The following CCDC81 variants were observed in gnomAD, a reference collection of about 807,000 sequenced individuals.
The protein encoded by CCDC81 is coiled-coil domain containing 81.
Under a neutral mutation model 83.7 loss-of-function variants are expected in CCDC81, and 79 were observed. That is an observed-to-expected ratio of 0.94 (90% CI 0.79 to 1.14). The LOEUF (loss-of-function observed/expected upper bound fraction) is 1.14, where lower values mean the gene tolerates loss of function less well. Among genes scored for constraint, CCDC81 ranks in the 50% most tolerant of loss-of-function variants. The pLI is 0.00. For missense variants in CCDC81, 791 were observed against 778.1 expected (o/e 1.02, Z -0.20); for synonymous variants, 252 against 278.1 (o/e 0.91, Z 0.93).
At chr11:86,397,055 C>T (rs1948419902) in intron 5 of CCDC81, among the ~76,000 whole-genome samples, 1 of 151,510 alleles carries the variant, frequency 6.6e-6, no homozygotes, top group African/African-American at 2.4e-5. Context: ...CTACTCCAAC[C>T]TAGTACTCCA....
chr11:86,390,347 G>A (rs78018810), intron 3 of CCDC81, among the ~76,000 whole-genome samples: 2,678 of 152,228 alleles, frequency 0.018, 147 homozygotes, highest in East Asian at 0.14. Flanking sequence ...AGGAAGTAAC[G>A]GGTACTTCCG....
At chr11:86,395,117 A>T (rs534450767) in intron 4 of CCDC81, 8 of 398,882 alleles carry the variant, frequency 2.0e-5, no homozygotes, top group Admixed American at 4.2e-5. Context: ...GAGAAAAGGC[A>T]ACACCGAAAG....
Position 86,422,674 on chromosome 11 carries a change from C to A in CCDC81, c.1918C>A (p.Pro640Thr). The change falls in exon 15 of 15, where the codon CCC becomes ACC. Residue 640 changes from proline to threonine, a missense_variant. Coordinates refer to ENST00000445632, the MANE Select transcript of CCDC81 (RefSeq NM_001156474.2). ...CAACGTGGGCGAGAGCAACCTGTGG[C>A]CCCTGAACAAGTTCCTGCCTGGCTC... Reference protein sequence around the residue: ...TSNVGESNLWPLNKFLPGSRL... With the variant: ...TSNVGESNLWTLNKFLPGSRL... The A allele has an allele frequency of 6.2e-7, 1 of 1,614,128 alleles. No homozygotes were observed. The highest frequency in any genetic ancestry group is 8.5e-7 in the Non-Finnish European group (1 of 1,180,008).
At chr11:86,385,609 G>T (rs1216445167) in intron 1 of CCDC81, among the ~76,000 whole-genome samples, 1 of 152,224 alleles carries the variant, frequency 6.6e-6, no homozygotes, top group East Asian at 1.9e-4. Context: ...AGCCTTTCAC[G>T]CCTTAGTGGC....
At chr11:86,386,586 A>G (rs1351426367) in intron 2 of CCDC81, among the ~76,000 whole-genome samples, 2 of 152,218 alleles carry the variant, frequency 1.3e-5, no homozygotes, top group African/African-American at 4.8e-5. Context: ...TTTAGATGCC[A>G]TAGAACTGGA....
intron 7 of CCDC81, among the ~76,000 whole-genome samples, chr11:86,406,534 C>T (rs751119429): frequency 2.6e-5 from 4 of 152,064 alleles, no homozygotes; most frequent in Non-Finnish European, 4.4e-5. Context: ...TGGCCTGGCG[C>T]GGTGGCTCAT....
chr11:86,400,665 C>G lies in CCDC81; in HGVS notation c.758-13C>G. On this transcript the variant is annotated splice_polypyrimidine_tract_variant and intron_variant, in intron 6 of 14. Coordinates refer to ENST00000445632, the MANE Select transcript of CCDC81 (RefSeq NM_001156474.2). ...GAAAGGAGACTCGTTTTCATTCATT[C>G]TTTATTCTACAGATATCTCATCACC... 6.3e-7 allele frequency: 1 copy of G among 1,581,480 alleles called. No homozygotes were observed. Among genetic ancestry groups the G allele is most frequent in the Non-Finnish European group, 8.6e-7 (1 of 1,156,720 alleles).
chr11:86,385,441 G>T (rs987215848), intron 1 of CCDC81, among the ~76,000 whole-genome samples: 1 of 152,154 alleles, frequency 6.6e-6, no homozygotes, highest in Non-Finnish European at 1.5e-5. Flanking sequence ...CCAGAACACA[G>T]TAGATAAGAA....
chr11:86,391,324 G>T lies in CCDC81; in HGVS notation c.299-1217G>T, dbSNP rs558049669. Among the ~76,000 whole-genome samples the T allele has an allele frequency of 8.5e-5, 13 of 152,328 alleles. No homozygotes were observed. In the South Asian group the frequency reaches 2.5e-3, roughly 29 times the overall value. On this transcript the variant is annotated intron_variant, in intron 3 of 14. Transcript: ENST00000445632. ...TTGTTAATTTTCATCATTTAGCAGTGGTGGACATTTGAAAGGATATAACTC... is the reference window on the plus strand; with the variant it reads ...TTGTTAATTTTCATCATTTAGCAGTTGTGGACATTTGAAAGGATATAACTC...
At chr11:86,417,551 TA>T (rs1216611872) in intron 13 of CCDC81, among the ~76,000 whole-genome samples, 4 of 151,990 alleles carry the variant, frequency 2.6e-5, no homozygotes, top group African/African-American at 9.7e-5. Context: ...CATTCTTCTT[TA>T]ATAGCAGCAT....
chr11:86,381,386 C>G (rs547203879), intron 1 of CCDC81, among the ~76,000 whole-genome samples: 6 of 152,208 alleles, frequency 3.9e-5, no homozygotes, highest in African/African-American at 1.2e-4. Flanking sequence ...GGAGATTTTT[C>G]TCTTATATTT....
intron 11 of CCDC81, among the ~76,000 whole-genome samples, chr11:86,413,120 G>A (rs1169046043): frequency 6.6e-6 from 1 of 152,062 alleles, no homozygotes; most frequent in Non-Finnish European, 1.5e-5. Context: ...CCCCTGAGTC[G>A]GGCTGCTGTG....
In CCDC81 at chr11:86,412,440, G is replaced by A. The variant is rs1406324837; in HGVS notation, c.1272G>A (p.Lys424=). 6.2e-7 allele frequency: 1 copy of A among 1,613,778 alleles called. No homozygotes were observed. Among genetic ancestry groups the A allele is most frequent in the Admixed American group, 1.7e-5 (1 of 59,966 alleles). ...RPLSPALNAL[K]QEEYSRSLLK... Reference sequence around the variant, plus strand: ...TCAGTCCTGCGCTTAATGCTCTTAAGCAAGAGGAATATTCCCGGAGTCTCC... The same window carrying A: ...TCAGTCCTGCGCTTAATGCTCTTAAACAAGAGGAATATTCCCGGAGTCTCC... Residue 424 remains lysine, a synonymous_variant, in exon 11 of 15, where the codon AAG becomes AAA. Coordinates refer to ENST00000445632, the MANE Select transcript of CCDC81 (RefSeq NM_001156474.2).
intron 5 of CCDC81, among the ~76,000 whole-genome samples, chr11:86,397,017 T>G (rs1294234895): frequency 1.3e-5 from 2 of 152,136 alleles, no homozygotes; most frequent in Admixed American, 1.3e-4. Context: ...GCCCCTGAAT[T>G]GACTGAAGGT....
chr11:86,395,742 C>G (rs577063817), intron 5 of CCDC81, among the ~76,000 whole-genome samples: 61 of 152,264 alleles, frequency 4.0e-4, no homozygotes, highest in African/African-American at 1.4e-3. Context: ...CCTGCCTCAG[C>G]CTTTGGAGTA....
intron 14 of CCDC81, among the ~76,000 whole-genome samples, chr11:86,421,876 C>T (rs1948795622): frequency 6.7e-6 from 1 of 148,876 alleles, no homozygotes; most frequent in South Asian, 2.1e-4. Flanking sequence ...TGTGATCGCA[C>T]ACTCCAGGCT....
At chr11:86,401,955 T>C (rs376487230) in intron 7 of CCDC81, among the ~76,000 whole-genome samples, 2 of 151,782 alleles carry the variant, frequency 1.3e-5, no homozygotes, top group African/African-American at 4.8e-5. Context: ...GCTAACACGG[T>C]GAAACTCTGT....
intron 9 of CCDC81, among the ~76,000 whole-genome samples, 188 bp downstream of exon 9, chr11:86,408,458 A>G (rs1232565334): frequency 6.6e-6 from 1 of 152,096 alleles, no homozygotes; most frequent in Non-Finnish European, 1.5e-5. Flanking sequence ...CTCAGCCTCC[A>G]GATTAGCTGG....
At position 86,412,549 on chromosome 11, in the gene CCDC81, C is replaced by T. The variant is rs928617667; in HGVS notation, c.1381C>T (p.Leu461Phe). The change falls in exon 11 of 15, where the codon CTC becomes TTC. Residue 461 changes from leucine to phenylalanine, a missense_variant. Transcript: ENST00000445632. ...ELMDRLEQVQ[L>F]TEELAAQRAK... ...GATGGACCGCCTGGAACAAGTGCAA[C>T]TCACAGAGGAGTGAGTCCAGCTACA... 1.2e-6 allele frequency: 2 copies of T among 1,605,982 alleles called. No homozygotes were observed. The highest frequency in any genetic ancestry group is 1.7e-6 in the Non-Finnish European group (2 of 1,177,516).
Sources: allele counts gnomAD v4.1 joint callset (sites outside exome capture counted in the v4.1 genomes callset), GRCh38; gene constraint gnomAD v4.1.1; transcripts MANE v1.5; gene names NCBI Gene and HGNC (gene_info 2026-07-23, HGNC 2026-07-21).